Variants in SMG7 observed in about 807,000 individuals in gnomAD.
SMG7 encodes the protein SMG7 nonsense mediated mRNA decay factor.
SMG7 carries 34 observed loss-of-function variants against 148.2 expected under a neutral mutation model. The ratio of observed to expected loss-of-function variants is 0.23; its 90% CI spans 0.17 to 0.31. SMG7 has a LOEUF of 0.31. Ranked by LOEUF, SMG7 falls within the 10% of genes least tolerant of loss-of-function variation. The probability of loss-of-function intolerance (pLI) is 1.00; values close to 1 mark genes in which losing one functional copy is unlikely to be tolerated. For synonymous variants in SMG7, 492 were observed against 515.1 expected (o/e 0.96, Z 0.61); for missense variants, 1,114 against 1,408.4 (o/e 0.79, Z 3.35).
chr1:183,512,073 C>T (rs1223387820), intron 1 of SMG7, among the ~76,000 whole-genome samples: 1 of 152,096 alleles, frequency 6.6e-6, no homozygotes, highest in East Asian at 1.9e-4. Context: ...AAAAAAGAGG[C>T]AGCAGCTAGA....
Position 183,534,367 on chromosome 1 carries a change from A to G in SMG7, c.1163+535A>G, listed in dbSNP as rs1032638438. On this transcript the variant is annotated intron_variant, in intron 10 of 22. Coordinates refer to ENST00000688051, the MANE Select transcript of SMG7 (RefSeq NM_001375584.1). ...GCTCTTAGGAACCATTGATTTTACA[A>G]TGACAAATGAAAACTTTCAGTGTAC... 5.2e-4 allele frequency among the ~76,000 whole-genome samples: 79 copies of G among 152,358 alleles called. 1 individual carries two copies. The highest frequency in any genetic ancestry group is 1.8e-3 in the African/African-American group (74 of 41,584).
At chr1:183,503,391 G>T (rs534695308) in intron 1 of SMG7, among the ~76,000 whole-genome samples, 1 of 151,976 alleles carries the variant, frequency 6.6e-6, no homozygotes, top group Admixed American at 6.6e-5. Flanking sequence ...GTTAAATAAC[G>T]TAATCAGAAC....
In SMG7 at chr1:183,553,217, T is replaced by C. The variant is rs1671335691; in HGVS notation, c.*1286T>C. The C allele has an allele frequency of 2.0e-6, 3 of 1,525,346 alleles. No individual in the cohort carries two copies. The highest frequency in any genetic ancestry group is 1.4e-5 in the African/African-American group (1 of 72,712). The allele number at this position is 1,525,346 out of a possible 1,614,324, so 94.5% of individuals were successfully genotyped here. ...AGGAAAATAAACTCTTTGTATGATA[T>C]TTATTAGGAGGAAAGAGGACTGAAA... On this transcript the variant is annotated 3_prime_UTR_variant, in exon 23 of 23. Transcript: ENST00000688051.
intron 4 of SMG7, among the ~76,000 whole-genome samples, chr1:183,521,956 G>A (rs911031969): frequency 2.0e-5 from 3 of 152,064 alleles, no homozygotes; most frequent in African/African-American, 7.2e-5. Flanking sequence ...GATAACCCTG[G>A]ATAAAGGGAT....
intron 1 of SMG7, chr1:183,472,959 G>T (rs1282749970): frequency 5.4e-6 from 2 of 368,098 alleles, no homozygotes; most frequent in Non-Finnish European, 9.7e-6. Flanking sequence ...GGAGAGAAAC[G>T]TCCGGGGAGG....
At chr1:183,486,907 G>A (rs1655577931) in intron 1 of SMG7, among the ~76,000 whole-genome samples, 1 of 152,202 alleles carries the variant, frequency 6.6e-6, no homozygotes. Context: ...TCTCCAGGTT[G>A]CTCAGGCTGG....
intron 8 of SMG7, among the ~76,000 whole-genome samples, chr1:183,529,838 G>A (rs535004688): frequency 1.3e-5 from 2 of 152,186 alleles, no homozygotes; most frequent in African/African-American, 4.8e-5. Flanking sequence ...GATGGTTTGT[G>A]TATTCTTAGA....
chr1:183,490,776 A>G (rs1656756762), intron 1 of SMG7, among the ~76,000 whole-genome samples: 1 of 151,960 alleles, frequency 6.6e-6, no homozygotes, highest in African/African-American at 2.4e-5. Flanking sequence ...AAATCCCCCC[A>G]AAGTGCTTTT....
rs1159728277 is a variant in SMG7, at chr1:183,542,468, T to C, written c.1808T>C (p.Leu603Ser). 6.2e-7 allele frequency: 1 copy of C among 1,613,674 alleles called. No homozygotes were observed. Among genetic ancestry groups the C allele is most frequent in the Admixed American group, 1.7e-5 (1 of 59,932 alleles). Residue 603 changes from leucine (L) to serine (S), a missense_variant, in exon 14 of 23, where the codon TTA becomes TCA. Transcript: ENST00000688051. ...TETKKCTLEK[L>S]QETGKQNVAV... ...ACCAAGAAATGCACCTTAGAAAAGT[T>C]ACAGGAAACAGGAAAGCAGAATGTG...
intron 1 of SMG7, among the ~76,000 whole-genome samples, chr1:183,475,200 G>C (rs990298744): frequency 3.9e-5 from 6 of 152,132 alleles, no homozygotes; most frequent in African/African-American, 1.4e-4. Flanking sequence ...ATATATTCTA[G>C]TGTTGAGGGT....
intron 1 of SMG7, among the ~76,000 whole-genome samples, chr1:183,490,090 T>G (rs745939429): frequency 3.3e-5 from 5 of 152,226 alleles, no homozygotes; most frequent in Non-Finnish European, 7.3e-5. Flanking sequence ...TATTGAGTAC[T>G]GAGAGTTTGG....
chr1:183,528,103 C>A, intron 6 of SMG7, 76 bp downstream of exon 6: 2 of 1,094,040 alleles, frequency 1.8e-6, no homozygotes, highest in South Asian at 1.6e-5. Flanking sequence ...ACTCAGGGCT[C>A]ACCTTTGAAG....
Position 183,552,564 on chromosome 1 carries a change from A to G in SMG7, c.*633A>G, listed in dbSNP as rs1671234506. 4 of 1,007,862 alleles carry G rather than the reference A, an allele frequency of 4.0e-6. No individual in the cohort carries two copies. The highest frequency in any genetic ancestry group is 4.7e-6 in the Non-Finnish European group (4 of 842,934). 62.4% of individuals were successfully genotyped at this position (1,007,862 alleles called of 1,614,324 possible). A position where few individuals can be genotyped will look rare whatever the true frequency, so the allele number is the denominator to read the frequency against. ...CCAGTGGAAATGTTCCATAAGGGAG[A>G]GTTCAAGGCCTGTCAGAAGGCTCTG... On this transcript the variant is annotated 3_prime_UTR_variant, in exon 23 of 23. Coordinates refer to ENST00000688051, the MANE Select transcript of SMG7 (RefSeq NM_001375584.1).
intron 1 of SMG7, among the ~76,000 whole-genome samples, chr1:183,500,063 T>C (rs540962370): frequency 6.6e-6 from 1 of 152,218 alleles, no homozygotes; most frequent in African/African-American, 2.4e-5. Flanking sequence ...AGCATTGTTT[T>C]GGCATACCTT....
intron 1 of SMG7, chr1:183,472,982 CGAG>C (rs1227207361): frequency 2.9e-6 from 1 of 345,112 alleles, no homozygotes; most frequent in Admixed American, 4.8e-5. Context: ...GCGGCGACCC[CGAG>C]TGGAGGTGGG....
Position 183,472,550 on chromosome 1 carries a change from G to A in SMG7, c.-71G>A. 2.2e-6 allele frequency: 3 copies of A among 1,342,274 alleles called. No individual in the cohort carries two copies. Among genetic ancestry groups the A allele is most frequent in the Non-Finnish European group, 2.9e-6 (3 of 1,038,028 alleles). The allele number at this position is 1,342,274 out of a possible 1,614,324, so 83.1% of individuals were successfully genotyped here. A position where few individuals can be genotyped will look rare whatever the true frequency, so the allele number is the denominator to read the frequency against. On this transcript the variant is annotated 5_prime_UTR_variant, in exon 1 of 23. Coordinates refer to ENST00000688051, the MANE Select transcript of SMG7 (RefSeq NM_001375584.1). ...GGCGGCCGCCAGCACCCGCGGTGCC[G>A]CGGGGCCGCTCCGAGGAGCCTGAGA... is the stretch of plus-strand genomic sequence containing the variant.
At chr1:183,526,563 C>T in intron 4 of SMG7, 33 bp from the exon 5 acceptor site, 1 of 1,481,386 alleles carries the variant, frequency 6.8e-7, no homozygotes, top group South Asian at 1.2e-5. Flanking sequence ...GCACTTGTGA[C>T]TTACTACTAA....
chr1:183,530,078 A>G lies in SMG7; in HGVS notation c.843+545A>G, dbSNP rs1336271345. ...GTTAAGATATTAGCAGTTTAAATGT[A>G]TAATGCATAAAATAAGGAGAAAGTC... On this transcript the variant is annotated intron_variant, in intron 8 of 22. Coordinates refer to ENST00000688051, the MANE Select transcript of SMG7 (RefSeq NM_001375584.1). Among the ~76,000 whole-genome samples, 4 of 152,228 alleles carry G rather than the reference A, an allele frequency of 2.6e-5. No individual in the cohort carries two copies. The East Asian group carries it at 5.8e-4, about 22-fold the overall frequency.
chr1:183,543,935 A>G (rs1368129968), intron 14 of SMG7, among the ~76,000 whole-genome samples: 1 of 152,184 alleles, frequency 6.6e-6, no homozygotes, highest in African/African-American at 2.4e-5. Context: ...TAACTCACCT[A>G]TGGGTTAATA....
Sources: allele counts gnomAD v4.1 joint callset (sites outside exome capture counted in the v4.1 genomes callset), GRCh38; gene constraint gnomAD v4.1.1; transcripts MANE v1.5; gene names NCBI Gene and HGNC (gene_info 2026-07-23, HGNC 2026-07-21).